Variants in ZNF831 observed in about 807,000 individuals in gnomAD.
The protein encoded by ZNF831 is zinc finger protein 831.
In ZNF831, 59 loss-of-function variants were observed where a neutral mutation model predicts 95.8. The ratio of observed to expected loss-of-function variants is 0.62; its 90% CI spans 0.50 to 0.77. ZNF831 has a LOEUF of 0.77. Among genes scored for constraint, ZNF831 ranks in the 30% least tolerant of loss-of-function variants. The pLI, the probability that ZNF831 is intolerant of heterozygous loss-of-function variation, is 0.00. For missense variants in ZNF831, 2,205 were observed against 2,164.0 expected, an observed-to-expected ratio of 1.02 and a Z score of -0.38; for synonymous variants, 961 against 925.5, an observed-to-expected ratio of 1.04 and a Z score of -0.70.
chr20:59,163,454 C>T (rs777460969), upstream of ZNF831, among the ~76,000 whole-genome samples: 1 of 152,196 alleles, frequency 6.6e-6, no homozygotes, highest in Non-Finnish European at 1.5e-5. Context: ...TGGGACCTCC[C>T]ACCATAGTCA....
At chr20:59,207,095 C>A in intron 4 of ZNF831, 39 bp downstream of exon 4, 1 of 1,602,362 alleles carries the variant, frequency 6.2e-7, no homozygotes, top group Non-Finnish European at 8.5e-7. Context: ...ACTGGGCACT[C>A]GAAGGCACCC....
At chr20:59,127,200 CAT>C (rs1979200274) in intron 1 of ZNF831, among the ~76,000 whole-genome samples, 1 of 152,184 alleles carries the variant, frequency 6.6e-6, no homozygotes, top group African/African-American at 2.4e-5. Context: ...GCCTTTGAAG[CAT>C]AGTCTGAATC....
chr20:59,170,542 A>C (rs1215116824), intron 1 of ZNF831, among the ~76,000 whole-genome samples: 1 of 152,184 alleles, frequency 6.6e-6, no homozygotes, highest in East Asian at 1.9e-4. Flanking sequence ...GGTTGATTTT[A>C]TGGCCTGGAA....
intron 2 of ZNF831, among the ~76,000 whole-genome samples, chr20:59,157,279 G>A (rs574900442): frequency 1.2e-4 from 18 of 152,196 alleles, no homozygotes; most frequent in African/African-American, 3.6e-4. Flanking sequence ...ACAAATGAGC[G>A]AGAAAGAAGA....
chr20:59,238,616 A>G (rs961080390), intron 4 of ZNF831, among the ~76,000 whole-genome samples: 4 of 152,208 alleles, frequency 2.6e-5, no homozygotes, highest in Non-Finnish European at 5.9e-5. Context: ...ATGGAAGAAG[A>G]AGGCTTAACT....
At chr20:59,123,444 T>C (rs1979068118) in exon 1 of ZNF831, 1 of 151,784 alleles carries the variant, frequency 6.6e-6, no homozygotes, top group Non-Finnish European at 1.5e-5. Context: ...CCGTCGGGGG[T>C]GGAGGACTTT....
intron 2 of ZNF831, among the ~76,000 whole-genome samples, chr20:59,155,654 C>A (rs139676135): frequency 6.6e-6 from 1 of 152,158 alleles, no homozygotes; most frequent in Admixed American, 6.5e-5. Flanking sequence ...GGGGCCAGGC[C>A]GCACTGTCTA....
At chr20:59,187,945 A>G (rs145164085) in intron 1 of ZNF831, among the ~76,000 whole-genome samples, 1 of 152,360 alleles carries the variant, frequency 6.6e-6, no homozygotes, top group African/African-American at 2.4e-5. Context: ...TGACGTTTTC[A>G]AGGTGCATCC....
intron 4 of ZNF831, among the ~76,000 whole-genome samples, chr20:59,222,690 C>A (rs571279209): frequency 2.6e-5 from 4 of 152,308 alleles, no homozygotes; most frequent in Non-Finnish European, 4.4e-5. Context: ...GGCCCCCTAG[C>A]GCCCATCGCG....
intron 1 of ZNF831, among the ~76,000 whole-genome samples, chr20:59,173,662 T>C (rs187639265): frequency 1.3e-5 from 2 of 152,288 alleles, no homozygotes; most frequent in African/African-American, 4.8e-5. Context: ...CATTTCTCAT[T>C]GTCAAGGAGC....
rs544704793 is a variant in ZNF831, at chr20:59,188,481, C to T, written c.-36-2503C>T. 9.5e-4 allele frequency among the ~76,000 whole-genome samples: 144 copies of T among 152,218 alleles called. 3 individuals are homozygous for T. The highest frequency in any genetic ancestry group is 2.8e-4 in the Non-Finnish European group (19 of 68,010). ...AAAAAATCTATTCAAGTCCTCTGCT[C>T]ATTTTTAAATTGGGTTGTTACAAAA... On this transcript the variant is annotated intron_variant, in intron 1 of 5. Coordinates refer to ENST00000371030, the MANE Select transcript of ZNF831 (RefSeq NM_178457.3).
chr20:59,183,704 G>C (rs1007456371), intron 1 of ZNF831, among the ~76,000 whole-genome samples: 1 of 152,082 alleles, frequency 6.6e-6, no homozygotes, highest in Non-Finnish European at 1.5e-5. Flanking sequence ...TTAAAAAACT[G>C]TTTTGATTTA....
At chr20:59,200,251 A>C (rs910551141) in intron 3 of ZNF831, among the ~76,000 whole-genome samples, 7 of 152,126 alleles carry the variant, frequency 4.6e-5, no homozygotes, top group Non-Finnish European at 7.4e-5. Context: ...TCTCTGTAAA[A>C]AATTCTTAGC....
chr20:59,253,869 C>CCCTTTTTTTTTTTTTTT, intron 5 of ZNF831, 29 bp from the exon 6 acceptor site: 1 of 1,067,576 alleles, frequency 9.4e-7, no homozygotes, highest in Non-Finnish European at 1.2e-6. Context: ...TCCCCCCCCA[C>CCCTTTTTTTTTTTTTTT]TTTTTTTTTC....
At position 59,208,697 on chromosome 20, in the gene ZNF831, T is replaced by C. The variant is rs890547883; in HGVS notation, c.4027+1641T>C. ...GCTGACTCCTCGTTCCCTGTTCCCA[T>C]GGACTCTTCCCTCACTTTTGCCCCC... On this transcript the variant is annotated intron_variant, in intron 4 of 5. Transcript: ENST00000371030. This position sits in a 1 kb window ranked among gnomAD's most constrained non-coding sequence, Gnocchi z 4.2. Among the ~76,000 whole-genome samples, 1 of 152,196 alleles carries C rather than the reference T, an allele frequency of 6.6e-6. No individual in the cohort carries two copies. The highest frequency in any genetic ancestry group is 1.5e-5 in the Non-Finnish European group (1 of 68,030).
rs538530013 is a variant in ZNF831 at position 59,144,467 on chromosome 20, G to A, written c.-1424-1764G>A. 1.6e-3 allele frequency among the ~76,000 whole-genome samples: 237 copies of A among 152,282 alleles called. 3 individuals are homozygous for A. Among genetic ancestry groups the A allele is most frequent in the African/African-American group, 5.6e-3 (232 of 41,540 alleles). ...TTGGCTTCTACCCGCTAGAGGCCTAGCACCCTGCCCTAGTTATGACAATTA... is the reference window on the plus strand; with the variant it reads ...TTGGCTTCTACCCGCTAGAGGCCTAACACCCTGCCCTAGTTATGACAATTA... On this transcript the variant is annotated intron_variant, in intron 1 of 7. Coordinates refer to the ZNF831 transcript ENST00000637017.
intron 4 of ZNF831, among the ~76,000 whole-genome samples, chr20:59,238,378 G>C (rs1211617810): frequency 1.3e-5 from 2 of 152,116 alleles, no homozygotes; most frequent in African/African-American, 4.8e-5. Context: ...TGGAATCAGT[G>C]CATCTCGATT....
chr20:59,243,372 C>G (rs1987433854), intron 4 of ZNF831, among the ~76,000 whole-genome samples: 1 of 152,130 alleles, frequency 6.6e-6, no homozygotes. Context: ...TTGAAGAGGT[C>G]GAATAGCTAA....
chr20:59,161,276 G>GT (rs112656440), upstream of ZNF831, among the ~76,000 whole-genome samples: 86 of 150,368 alleles, frequency 5.7e-4, 1 homozygote, highest in Non-Finnish European at 8.9e-4. Context: ...CACTGTCTTT[G>GT]TTTTTTTTTG....
Sources: gnomAD v4.1 joint callset for allele counts (sites outside exome capture counted in the v4.1 genomes callset) on GRCh38, gnomAD v4.1.1 for gene constraint, Gnocchi (gnomAD v3.1) non-coding constraint, MANE v1.5 for transcripts, NCBI Gene and HGNC (gene_info 2026-07-23, HGNC 2026-07-21) for gene names.